The following CDH18 variants were observed in gnomAD, a reference collection of about 807,000 sequenced individuals.
CDH18 encodes the protein cadherin 18.
A neutral mutation model predicts 67.9 loss-of-function variants in CDH18; 31 were observed. The observed-to-expected ratio is 0.46, with a 90% confidence interval of 0.34 to 0.62. The LOEUF (loss-of-function observed/expected upper bound fraction) is 0.62, where lower values mean the gene tolerates loss of function less well. Among genes scored for constraint, CDH18 ranks in the 20% least tolerant of loss-of-function variants. CDH18 has a pLI of 0.01. For missense variants in CDH18, 890 were observed against 975.5 expected (o/e 0.91, Z 1.17); for synonymous variants, 362 against 347.2 (o/e 1.04, Z -0.48).
intron 2 of CDH18, among the ~76,000 whole-genome samples, chr5:19,859,992 GTGT>G (rs1784715506): frequency 1.4e-5 from 2 of 147,940 alleles, no homozygotes; most frequent in African/African-American, 5.0e-5. Context: ...TGCTTTGGGT[GTGT>G]GTGTGTGTGT....
chr5:19,801,831 T>G (rs62355764), intron 3 of CDH18, among the ~76,000 whole-genome samples: 9,991 of 152,222 alleles, frequency 0.066, 373 homozygotes, highest in Middle Eastern at 0.085. Context: ...GCTGCATTAC[T>G]TATTGACAGT....
At chr5:20,412,351 A>G (rs1580939738) in intron 1 of CDH18, among the ~76,000 whole-genome samples, 1 of 152,170 alleles carries the variant, frequency 6.6e-6, no homozygotes, top group African/African-American at 2.4e-5. Context: ...ATCTCCTAAC[A>G]TAAACCAAAA....
At chr5:19,536,786 G>A (rs983796611) in intron 9 of CDH18, among the ~76,000 whole-genome samples, 1 of 152,144 alleles carries the variant, frequency 6.6e-6, no homozygotes, top group Non-Finnish European at 1.5e-5. Context: ...CTGAGGATCT[G>A]CATTATTTGT....
At chr5:20,433,620 A>T (rs1748945562) in intron 1 of CDH18, among the ~76,000 whole-genome samples, 1 of 152,046 alleles carries the variant, frequency 6.6e-6, no homozygotes, top group Non-Finnish European at 1.5e-5. Flanking sequence ...GCACCTCAGG[A>T]TTTGACCTGT....
intron 11 of CDH18, among the ~76,000 whole-genome samples, chr5:19,492,137 T>A (rs1245020506): frequency 6.6e-6 from 1 of 152,138 alleles, no homozygotes; most frequent in East Asian, 1.9e-4. Flanking sequence ...TAAACAGAGA[T>A]AGAAATGCAC....
At chr5:19,791,793 T>A (rs1482866511) in intron 3 of CDH18, among the ~76,000 whole-genome samples, 1 of 152,150 alleles carries the variant, frequency 6.6e-6, no homozygotes, top group Non-Finnish European at 1.5e-5. Flanking sequence ...ACAAGAAATG[T>A]GACAGAAATA....
At chr5:20,435,682 G>A (rs1303608159) in intron 1 of CDH18, among the ~76,000 whole-genome samples, 2 of 151,978 alleles carry the variant, frequency 1.3e-5, no homozygotes, top group Non-Finnish European at 1.5e-5. Context: ...GAAGAAAATA[G>A]CTTAGCCTGC....
At chr5:19,747,858 C>T (rs1052382414) in intron 3 of CDH18, among the ~76,000 whole-genome samples, 1 of 151,192 alleles carries the variant, frequency 6.6e-6, no homozygotes, top group Non-Finnish European at 1.5e-5. Context: ...CCTGTAATCC[C>T]AGCACTTTGG....
intron 4 of CDH18, among the ~76,000 whole-genome samples, chr5:19,746,689 A>G (rs1173845579): frequency 6.6e-6 from 1 of 152,162 alleles, no homozygotes; most frequent in Admixed American, 6.5e-5. Flanking sequence ...TTTCAAATTT[A>G]TACATGTTTC....
intron 2 of CDH18, among the ~76,000 whole-genome samples, chr5:19,898,601 A>C (rs1789603007): frequency 6.6e-6 from 1 of 151,890 alleles, no homozygotes; most frequent in Non-Finnish European, 1.5e-5. Context: ...AAAATCATTC[A>C]GTATATGAAT....
chr5:20,287,131 T>C (rs572678739), intron 1 of CDH18, among the ~76,000 whole-genome samples: 79 of 151,896 alleles, frequency 5.2e-4, no homozygotes, highest in African/African-American at 1.7e-3. Flanking sequence ...CCTAAGTGGA[T>C]TGATATCTGT....
At chr5:20,313,235 T>C (rs1431414770) in intron 1 of CDH18, among the ~76,000 whole-genome samples, 1 of 152,148 alleles carries the variant, frequency 6.6e-6, no homozygotes, top group Non-Finnish European at 1.5e-5. Flanking sequence ...TTTCCTATTA[T>C]ATTTGTTGCT....
intron 1 of CDH18, among the ~76,000 whole-genome samples, chr5:20,301,695 T>C (rs1439301219): frequency 6.6e-6 from 1 of 152,162 alleles, no homozygotes; most frequent in Non-Finnish European, 1.5e-5. Flanking sequence ...GAAAAGGCTC[T>C]CAGTGAAAAC....
chr5:19,558,381 A>T (rs181800476), intron 8 of CDH18, among the ~76,000 whole-genome samples: 1 of 152,142 alleles, frequency 6.6e-6, no homozygotes, highest in South Asian at 2.1e-4. Flanking sequence ...AAAGATAAAT[A>T]AAAATGATAG....
At chr5:20,357,027 C>T (rs1275160831) in intron 1 of CDH18, among the ~76,000 whole-genome samples, 1 of 150,996 alleles carries the variant, frequency 6.6e-6, no homozygotes, top group Non-Finnish European at 1.5e-5. Flanking sequence ...GTAAGTCAGT[C>T]TCAGGAAAAA....
rs552002025 is a variant in CDH18, at chr5:20,499,704, G to A, written c.-580+75758C>T. Among the ~76,000 whole-genome samples, 3 of 152,164 alleles carry A rather than the reference G, an allele frequency of 2.0e-5. No individual in the cohort carries two copies. The South Asian group carries it at 6.2e-4, about 32-fold the overall frequency. On this transcript the variant is annotated intron_variant, in intron 1 of 14. Transcript: ENST00000507958. The stretch of plus-strand genomic sequence containing the variant: ...GCCTTATCAACAGGTTTTCTAGTGG[G>A]TTTCCAGACATCAACAGTCAACAAA...
chr5:20,548,626 A>G (rs1309915186), intron 1 of CDH18, among the ~76,000 whole-genome samples: 2 of 152,178 alleles, frequency 1.3e-5, no homozygotes, highest in East Asian at 1.9e-4. Flanking sequence ...TGATGTTTGT[A>G]CAGTGAATCT....
intron 2 of CDH18, among the ~76,000 whole-genome samples, chr5:19,887,321 G>T (rs1453908800): frequency 6.6e-6 from 1 of 151,796 alleles, no homozygotes; most frequent in Non-Finnish European, 1.5e-5. Flanking sequence ...GTTATATTCT[G>T]AGATAACCGC....
chr5:20,456,450 G>A (rs1040694671), intron 1 of CDH18, among the ~76,000 whole-genome samples: 1 of 151,994 alleles, frequency 6.6e-6, no homozygotes, highest in African/African-American at 2.4e-5. Context: ...GCAGACTGTG[G>A]CAAACAACCC....
Sources: allele counts gnomAD v4.1 joint callset (sites outside exome capture counted in the v4.1 genomes callset), GRCh38; gene constraint gnomAD v4.1.1; transcripts MANE v1.5; gene names NCBI Gene and HGNC (gene_info 2026-07-23, HGNC 2026-07-21).